The following RUFY3 variants were observed in gnomAD, a reference collection of about 807,000 sequenced individuals.
RUFY3 encodes the protein protein RUFY3.
Under a neutral mutation model 84.0 loss-of-function variants are expected in RUFY3, and 34 were observed. The ratio of observed to expected loss-of-function variants is 0.40; its 90% CI spans 0.31 to 0.54. RUFY3 has a LOEUF of 0.54. RUFY3 is among the 20% of genes least tolerant of loss of function. The pLI is 0.39. For missense variants in RUFY3, 507 were observed against 736.8 expected, an observed-to-expected ratio of 0.69 and a Z score of 3.61; for synonymous variants, 242 against 252.9, an observed-to-expected ratio of 0.96 and a Z score of 0.41.
upstream of RUFY3, among the ~76,000 whole-genome samples, chr4:70,719,404 G>A (rs930959322): frequency 6.6e-6 from 1 of 152,202 alleles, no homozygotes; most frequent in Admixed American, 6.6e-5. Flanking sequence ...AATCAATCTA[G>A]ATCTGTTCAA....
At chr4:70,747,404 G>A (rs78196119) in intron 1 of RUFY3, among the ~76,000 whole-genome samples, 1,827 of 152,122 alleles carry the variant, frequency 0.012, 31 homozygotes, top group African/African-American at 0.042. Flanking sequence ...ACCCACTAAA[G>A]GGTTGTGACC....
intron 5 of RUFY3, among the ~76,000 whole-genome samples, chr4:70,771,346 T>A (rs74559967): frequency 0.011 from 1,672 of 152,090 alleles, 29 homozygotes; most frequent in African/African-American, 0.038. Flanking sequence ...ATATATGCAG[T>A]TGACTCTTGA....
At chr4:70,780,728 G>T (rs1464748959) in intron 8 of RUFY3, among the ~76,000 whole-genome samples, 1 of 152,136 alleles carries the variant, frequency 6.6e-6, no homozygotes, top group Non-Finnish European at 1.5e-5. Context: ...CATGATTAGG[G>T]CTTAGAACAG....
chr4:70,800,203 C>T lies in RUFY3; in HGVS notation c.1620C>T (p.His540=), dbSNP rs778760647. 1.2e-6 allele frequency: 2 copies of T among 1,601,612 alleles called. No individual in the cohort carries two copies. The highest frequency in any genetic ancestry group is 2.2e-5 in the East Asian group (1 of 44,476). The stretch of plus-strand genomic sequence containing the variant: ...TAAAAAAGCCCCTGGAAGAAAGCCA[C>T]AGGTGTTTGTTAATCAAGTATTAAC... ...VKLKKPLEES[H]RLQPHPMDEQ... is the part of the protein sequence containing the mutation. Residue 540 remains histidine (H), a splice_region_variant and synonymous_variant, in exon 15 of 18, where the codon CAC becomes CAT. Coordinates refer to ENST00000381006, the MANE Select transcript of RUFY3 (RefSeq NM_001037442.4).
At chr4:70,760,505 G>A (rs142622549) in intron 1 of RUFY3, among the ~76,000 whole-genome samples, 2 of 152,038 alleles carry the variant, frequency 1.3e-5, no homozygotes, top group African/African-American at 2.4e-5. Context: ...GGTGTCAGGT[G>A]GGAAGGCTAG....
chr4:70,762,526 T>G lies in RUFY3; in HGVS notation c.186T>G (p.Asn62Lys). 6.2e-7 allele frequency: 1 copy of G among 1,601,340 alleles called. No homozygotes were observed. The highest frequency in any genetic ancestry group is 2.2e-5 in the East Asian group (1 of 44,552). Residue 62 changes from asparagine (N) to lysine (K), a missense_variant, in exon 2 of 18, where the codon AAT (asparagine) becomes AAG (lysine). Physicochemically the swap from Asn to Lys is moderately conservative, Grantham distance 94. Coordinates refer to ENST00000381006, the MANE Select transcript of RUFY3 (RefSeq NM_001037442.4). ...CTTCCCCTTTGGCTGCAGATCCTAA[T>G]TATCTCATGGCTAATGAACGCATGA... ...PDPEPTHEDPNYLMANERMNL... is the reference protein window; with the variant it reads ...PDPEPTHEDPKYLMANERMNL...
rs149967512 is a variant in RUFY3, at chr4:70,771,144, A to G, written c.697-2367A>G. Among the ~76,000 whole-genome samples, 25 of 152,322 alleles carry G rather than the reference A, an allele frequency of 1.6e-4. No individual in the cohort carries two copies. In the East Asian group the frequency reaches 4.4e-3, roughly 27 times the overall value. On this transcript the variant is annotated intron_variant, in intron 5 of 17. Coordinates refer to ENST00000381006, the MANE Select transcript of RUFY3 (RefSeq NM_001037442.4). ...AGATGTAATAATAAAGAAAAAGTTT[A>G]AAGTACTGTGAGAGTTACCAAAATG...
intron 1 of RUFY3, among the ~76,000 whole-genome samples, chr4:70,757,065 G>A (rs1724148391): frequency 6.6e-6 from 1 of 151,872 alleles, no homozygotes; most frequent in Non-Finnish European, 1.5e-5. Flanking sequence ...GATCTTAGGA[G>A]TTTGGGACCA....
At chr4:70,772,005 A>G (rs1727046405) in intron 5 of RUFY3, among the ~76,000 whole-genome samples, 1 of 152,000 alleles carries the variant, frequency 6.6e-6, no homozygotes. Flanking sequence ...GATGAGGAGG[A>G]GGAGGAAGAG....
At chr4:70,797,891 C>G (rs1017673394) in intron 14 of RUFY3, among the ~76,000 whole-genome samples, 1 of 152,114 alleles carries the variant, frequency 6.6e-6, no homozygotes, top group Non-Finnish European at 1.5e-5. Context: ...AGCATGCTAT[C>G]TTTATTATTT....
intron 1 of RUFY3, among the ~76,000 whole-genome samples, chr4:70,736,732 C>T (rs1043713212): frequency 8.6e-5 from 13 of 151,992 alleles, no homozygotes; most frequent in South Asian, 6.2e-4. Context: ...CGACCATGTC[C>T]GGCTAATTTT....
At chr4:70,783,633 T>C (rs971114699) in intron 9 of RUFY3, among the ~76,000 whole-genome samples, 13 of 152,236 alleles carry the variant, frequency 8.5e-5, no homozygotes. Context: ...AATTAGAATT[T>C]TGTAAACCTT....
At chr4:70,755,752 C>G (rs907404601) in intron 1 of RUFY3, among the ~76,000 whole-genome samples, 1 of 151,988 alleles carries the variant, frequency 6.6e-6, no homozygotes, top group Admixed American at 6.6e-5. Context: ...GAGATCAAGA[C>G]CATCCTGGCT....
chr4:70,784,893 A>C lies in RUFY3; in HGVS notation c.1071+14A>C. 6.4e-7 allele frequency: 1 copy of C among 1,557,386 alleles called. No individual in the cohort carries two copies. Among genetic ancestry groups the C allele is most frequent in the Non-Finnish European group, 8.7e-7 (1 of 1,143,166 alleles). On this transcript the variant is annotated intron_variant, in intron 10 of 17. Coordinates refer to ENST00000381006, the MANE Select transcript of RUFY3 (RefSeq NM_001037442.4). ...CAATTACGATTGGTAAACTATGCTT[A>C]ATTTCTAATAGTTCAGGAATATATT...
chr4:70,800,716 C>G (rs1422268591), intron 15 of RUFY3, among the ~76,000 whole-genome samples: 2 of 151,902 alleles, frequency 1.3e-5, no homozygotes, highest in East Asian at 3.9e-4. Flanking sequence ...AACCCGGTCT[C>G]TACTAACGAT....
intron 1 of RUFY3, among the ~76,000 whole-genome samples, chr4:70,716,003 A>G (rs1741555551): frequency 6.6e-6 from 1 of 151,858 alleles, no homozygotes; most frequent in Non-Finnish European, 1.5e-5. Flanking sequence ...AGTCCCAGCT[A>G]CTTGGGAGGC....
rs776586409 is a variant in RUFY3 at position 70,788,979 on chromosome 4, G to A, written c.1239+6G>A. On this transcript the variant is annotated splice_donor_region_variant and intron_variant, in intron 11 of 17. Coordinates refer to ENST00000381006, the MANE Select transcript of RUFY3 (RefSeq NM_001037442.4). Reference sequence around the variant, plus strand: ...AACTTGCCTTTAAGCTGCAGGTAGGGGAAATATGAGGAATAGACTCACTGG... The same window carrying A: ...AACTTGCCTTTAAGCTGCAGGTAGGAGAAATATGAGGAATAGACTCACTGG... The A allele has an allele frequency of 2.5e-6, 4 of 1,613,492 alleles. No individual in the cohort carries two copies. The South Asian group carries it at 4.4e-5, about 18-fold the overall frequency.
At chr4:70,784,492 A>G (rs1729465973) in intron 9 of RUFY3, among the ~76,000 whole-genome samples, 1 of 152,092 alleles carries the variant, frequency 6.6e-6, no homozygotes. Context: ...CAAAAAAGAA[A>G]AAAAAAAAAC....
chr4:70,806,393 T>C, intron 17 of RUFY3, 123 bp from the exon 18 acceptor site: 1 of 1,103,146 alleles, frequency 9.1e-7, no homozygotes, highest in Non-Finnish European at 1.3e-6. Flanking sequence ...ACCTGGCACA[T>C]AGTAAACATT....
Sources: allele counts gnomAD v4.1 joint callset (sites outside exome capture counted in the v4.1 genomes callset), GRCh38; gene constraint gnomAD v4.1.1; transcripts MANE v1.5; gene names NCBI Gene and HGNC (gene_info 2026-07-23, HGNC 2026-07-21).